HECTD4: variants seen among roughly 807,000 people sequenced by gnomAD.
HECTD4 encodes probable E3 ubiquitin-protein ligase HECTD4.
HECTD4 carries 114 observed loss-of-function variants against 471.5 expected under a neutral mutation model. That is an observed-to-expected ratio of 0.24 (90% CI 0.21 to 0.28). The LOEUF (loss-of-function observed/expected upper bound fraction) is 0.28, where lower values mean the gene tolerates loss of function less well. HECTD4 is among the 10% of genes least tolerant of loss of function. The pLI is 1.00. For synonymous variants in HECTD4, 2,012 were observed against 2,256.0 expected, an observed-to-expected ratio of 0.89 and a Z score of 3.07; for missense variants, 3,866 against 5,651.5, an observed-to-expected ratio of 0.68 and a Z score of 10.13.
At chr12:112,308,627 A>G in intron 6 of HECTD4, 126 bp downstream of exon 6, 1 of 872,048 alleles carries the variant, frequency 1.1e-6, no homozygotes, top group African/African-American at 1.7e-5. Context: ...CCAAACTATA[A>G]CAATTAAAAG....
rs373128788 is a variant in HECTD4 at position 112,190,814 on chromosome 12, G to A, written c.9444C>T (p.Ser3148=). The change falls in exon 60 of 76, where the codon TCC becomes TCT. Residue 3148 remains serine, a synonymous_variant. Coordinates refer to ENST00000682272, the MANE Select transcript of HECTD4 (RefSeq NM_001388303.1). ...SEDEPDTIPT[S]VLLQVVELLG... ...GCAGCTCCACCACCTGCAGGAGGAC[G>A]GATGTCGGAATGGTGTCAGGCTCAT... 5.0e-6 allele frequency: 8 copies of A among 1,588,894 alleles called. No individual in the cohort carries two copies. In the African/African-American group the frequency reaches 5.4e-5, roughly 11 times the overall value.
rs376224087 is a variant in HECTD4, at chr12:112,213,664, C to T, written c.7466-1014G>A. ...TTGTGCCACTGCACTTCAGCCTGGG[C>T]GACAGAGCAAGACTCCGTCTCAAAA... is the stretch of plus-strand genomic sequence containing the variant. On this transcript the variant is annotated intron_variant, in intron 48 of 75. Transcript: ENST00000682272. This position sits in a 1 kb window ranked among gnomAD's most constrained non-coding sequence, Gnocchi z 4.0. Among the ~76,000 whole-genome samples the T allele has an allele frequency of 2.6e-4, 38 of 147,518 alleles. No homozygotes were observed. The highest frequency in any genetic ancestry group is 8.8e-4 in the African/African-American group (35 of 39,986).
intron 3 of HECTD4, among the ~76,000 whole-genome samples, chr12:112,313,445 G>C (rs1488522472): frequency 7.0e-6 from 1 of 142,820 alleles, no homozygotes; most frequent in Non-Finnish European, 1.5e-5. Context: ...CTCCAGAGTA[G>C]ATGGGACCAC....
intron 1 of HECTD4, among the ~76,000 whole-genome samples, chr12:112,365,987 G>T (rs1028885515): frequency 2.0e-5 from 3 of 151,888 alleles, no homozygotes; most frequent in Non-Finnish European, 4.4e-5. Flanking sequence ...TGTTGCCCGG[G>T]CTGGTCTCAA....
At chr12:112,198,801 G>A (rs1200671742) in intron 55 of HECTD4, among the ~76,000 whole-genome samples, 3 of 152,156 alleles carry the variant, frequency 2.0e-5, no homozygotes, top group Admixed American at 6.5e-5. Flanking sequence ...CTTGGTTAAG[G>A]TGTTTTAAAG....
chr12:112,347,441 C>T (rs1400550376), intron 1 of HECTD4, among the ~76,000 whole-genome samples: 1 of 152,076 alleles, frequency 6.6e-6, no homozygotes, highest in African/African-American at 2.4e-5. Context: ...ACCCGGGAGG[C>T]AGTGGTTGCA....
In HECTD4 at chr12:112,228,051, C is replaced by T; in HGVS notation, c.6854+38G>A. ...GATCCCTTCTTCTGTCAGCTTGCACCATGTCAGCACATAAGGCAATGTGGG... is the reference window on the plus strand; with the variant it reads ...GATCCCTTCTTCTGTCAGCTTGCACTATGTCAGCACATAAGGCAATGTGGG... On this transcript the variant is annotated intron_variant, in intron 43 of 75. Transcript: ENST00000682272. The surrounding 1 kb of genome is among the most constrained non-coding windows in gnomAD (Gnocchi z 4.9). 1.3e-6 allele frequency: 2 copies of T among 1,536,444 alleles called. No homozygotes were observed. Among genetic ancestry groups the T allele is most frequent in the Non-Finnish European group, 1.7e-6 (2 of 1,144,326 alleles).
In HECTD4 at chr12:112,162,665, GC is replaced by G. The variant is rs1436481125; in HGVS notation, c.13121-143del. On this transcript the variant is annotated intron_variant, in intron 75 of 75. Transcript: ENST00000682272. This position sits in a 1 kb window ranked among gnomAD's most constrained non-coding sequence, Gnocchi z 5.2. ...GGGGCCCAGCAGGAGGGGGATGAGG[GC>G]CTGGGAACCTGCGAGATGTTCTTGG... 8 of 951,938 alleles carry G rather than the reference GC, an allele frequency of 8.4e-6. No homozygotes were observed. The African/African-American group carries it at 1.3e-4, about 16-fold the overall frequency. 59.0% of individuals were successfully genotyped at this position (951,938 alleles called of 1,614,324 possible).
At chr12:112,214,571 C>T (rs942281070) in intron 48 of HECTD4, among the ~76,000 whole-genome samples, 3 of 152,168 alleles carry the variant, frequency 2.0e-5, no homozygotes, top group Non-Finnish European at 4.4e-5. Flanking sequence ...CCTTTGCAGA[C>T]ACATTTCTCT....
chr12:112,378,279 C>A, intron 1 of HECTD4, among the ~76,000 whole-genome samples: 1 of 152,178 alleles, frequency 6.6e-6, no homozygotes, highest in South Asian at 2.1e-4. Flanking sequence ...AGTGCAGTGA[C>A]GCGATCTCAG....
At chr12:112,376,341 G>C (rs1179707869) in intron 1 of HECTD4, among the ~76,000 whole-genome samples, 1 of 151,954 alleles carries the variant, frequency 6.6e-6, no homozygotes, top group African/African-American at 2.4e-5. Flanking sequence ...CCGCCTCCTG[G>C]GTTCACGCCA....
rs976218842 is a variant in HECTD4 at position 112,319,551 on chromosome 12, A to C, written c.369T>G (p.Thr123=). 1.0e-5 allele frequency: 15 copies of C among 1,440,916 alleles called. No homozygotes were observed. The African/African-American group carries it at 2.1e-4, about 21-fold the overall frequency. 89.3% of individuals were successfully genotyped at this position (1,440,916 alleles called of 1,614,324 possible). The change falls in exon 2 of 76, where the codon ACT becomes ACG. Residue 123 remains threonine (T), a synonymous_variant. Transcript: ENST00000682272. The surrounding 1 kb of genome is among the most constrained non-coding windows in gnomAD (Gnocchi z 5.3). ...HERESSGDEE[T]LALLKRQGLL... is the part of the protein sequence containing the mutation. The stretch of plus-strand genomic sequence containing the variant: ...AGCCCTGGCGTTTGAGCAGGGCCAA[A>C]GTTTCCTCATCACCTGAACTTTCCC...
At chr12:112,302,869 C>T (rs909899204) in intron 7 of HECTD4, among the ~76,000 whole-genome samples, 3 of 152,164 alleles carry the variant, frequency 2.0e-5, no homozygotes. Context: ...GTGCTGAACC[C>T]CTGGCTTCAA....
chr12:112,263,150 T>C (rs960248516), intron 17 of HECTD4, among the ~76,000 whole-genome samples: 1 of 152,216 alleles, frequency 6.6e-6, no homozygotes, highest in Non-Finnish European at 1.5e-5. Context: ...GCAAGAGAAG[T>C]TAAATAAATA....
chr12:112,175,996 G>T, intron 65 of HECTD4, 137 bp from the exon 66 acceptor site: 1 of 1,185,824 alleles, frequency 8.4e-7, no homozygotes, highest in Non-Finnish European at 1.2e-6. Context: ...GTAACTCTGG[G>T]AATTGTCATT....
intron 1 of HECTD4, among the ~76,000 whole-genome samples, chr12:112,373,385 T>A (rs575205366): frequency 6.6e-6 from 1 of 151,674 alleles, no homozygotes; most frequent in Non-Finnish European, 1.5e-5. Flanking sequence ...ATACAAAAAA[T>A]AGCCAGGTGT....
intron 40 of HECTD4, among the ~76,000 whole-genome samples, chr12:112,230,433 G>C (rs1372685072): frequency 6.6e-6 from 1 of 151,928 alleles, no homozygotes; most frequent in African/African-American, 2.4e-5. Flanking sequence ...AAGAAGAAGA[G>C]AAACAAGGCC....
intron 1 of HECTD4, among the ~76,000 whole-genome samples, chr12:112,329,221 CCT>C (rs1397995797): frequency 1.3e-5 from 2 of 152,082 alleles, no homozygotes; most frequent in African/African-American, 2.4e-5. Flanking sequence ...ACTCTGATTT[CCT>C]CTCTTTCTCT....
At chr12:112,283,369 A>C (rs1054700470) in intron 7 of HECTD4, 67 bp from the exon 8 acceptor site, 1 of 1,243,606 alleles carries the variant, frequency 8.0e-7, no homozygotes, top group African/African-American at 1.5e-5. Context: ...ATTTCTACTG[A>C]GGATATTATT....
Sources: gnomAD v4.1 joint callset for allele counts (sites outside exome capture counted in the v4.1 genomes callset) on GRCh38, gnomAD v4.1.1 for gene constraint, Gnocchi (gnomAD v3.1) non-coding constraint, MANE v1.5 for transcripts, NCBI Gene and HGNC (gene_info 2026-07-23, HGNC 2026-07-21) for gene names.